Variants in PPL observed in about 807,000 individuals in gnomAD.
PPL encodes the protein periplakin.
A neutral mutation model predicts 194.4 loss-of-function variants in PPL; 198 were observed. That is an observed-to-expected ratio of 1.02 (90% CI 0.91 to 1.15). The LOEUF (loss-of-function observed/expected upper bound fraction) is 1.15, where lower values mean the gene tolerates loss of function less well. PPL is among the 50% of genes most tolerant of loss of function. The pLI, the probability that PPL is intolerant of heterozygous loss-of-function variation, is 0.00. For missense variants in PPL, 2,885 were observed against 2,294.8 expected (o/e 1.26, Z -5.25); for synonymous variants, 1,220 against 972.4 (o/e 1.25, Z -4.74).
chr16:4,897,807 G>A (rs1446812360), intron 8 of PPL, 37 bp from the exon 9 acceptor site: 3 of 1,554,676 alleles, frequency 1.9e-6, no homozygotes, highest in African/African-American at 1.4e-5. Context: ...CCACTGGGCA[G>A]GTACTGCAGA....
chr16:4,888,210 C>A lies in PPL; in HGVS notation c.2406G>T (p.Glu802Asp). The change falls in exon 20 of 22, where the codon GAG becomes GAT. Residue 802 changes from glutamate to aspartate, a missense_variant. Glu to Asp is a conservative substitution (Grantham distance 45, BLOSUM62 2). Transcript: ENST00000345988. ...GAGACCTTAGTTTTTCTGCTTCTAACTCATAGTCCTGCATGAGGGAGAGAC... is the reference window on the plus strand; with the variant it reads ...GAGACCTTAGTTTTTCTGCTTCTAAATCATAGTCCTGCATGAGGGAGAGAC... Reference protein sequence around the residue: ...QQYQQAVKDYELEAEKLRSLL... With the variant: ...QQYQQAVKDYDLEAEKLRSLL... 6.2e-7 allele frequency: 1 copy of A among 1,602,664 alleles called. No individual in the cohort carries two copies. Among genetic ancestry groups the A allele is most frequent in the Non-Finnish European group, 8.5e-7 (1 of 1,169,638 alleles).
At chr16:4,930,171 T>G (rs1336583527) in intron 1 of PPL, among the ~76,000 whole-genome samples, 2 of 152,228 alleles carry the variant, frequency 1.3e-5, no homozygotes, top group African/African-American at 2.4e-5. Context: ...TTCTGTCAAC[T>G]GCACTCTCTT....
At chr16:4,886,501 A>T (rs2088221952) in intron 21 of PPL, among the ~76,000 whole-genome samples, 1 of 152,270 alleles carries the variant, frequency 6.6e-6, no homozygotes, top group Non-Finnish European at 1.5e-5. Flanking sequence ...CGCTCTCTGG[A>T]CAGACCGCAG....
rs1253683651 is a variant in PPL, at chr16:4,890,929, G to A, written c.1969-8C>T. The stretch of plus-strand genomic sequence containing the variant: ...TAACTCACAGGCCATGGCCTGGCGG[G>A]GCAGAGGAGGAGACGGCGGTGCTAC... On this transcript the variant is annotated splice_polypyrimidine_tract_variant and splice_region_variant and intron_variant, in intron 16 of 21. Coordinates refer to ENST00000345988, the MANE Select transcript of PPL (RefSeq NM_002705.5). The A allele has an allele frequency of 2.0e-6, 3 of 1,508,962 alleles. No homozygotes were observed. The highest frequency in any genetic ancestry group is 2.7e-6 in the Non-Finnish European group (3 of 1,121,836). 93.5% of individuals were successfully genotyped at this position (1,508,962 alleles called of 1,614,324 possible).
chr16:4,899,595 ATTCATTCAG>A (rs2088512751), intron 6 of PPL, among the ~76,000 whole-genome samples: 1 of 151,678 alleles, frequency 6.6e-6, no homozygotes, highest in African/African-American at 2.4e-5. Context: ...TCATTCATTC[ATTCATTCAG>A]TAAATGTTTA....
chr16:4,890,789 C>T lies in PPL; in HGVS notation c.2101G>A (p.Glu701Lys). Reference sequence around the variant, plus strand: ...TGGCCCAGCTTGTGCACCTCGGCCTCCTGGCGCTCCAGGTCCGGACAGTGC... The same window carrying T: ...TGGCCCAGCTTGTGCACCTCGGCCTTCTGGCGCTCCAGGTCCGGACAGTGC... ...QEHCPDLERQ[E>K]AEVHKLGQRF... is the part of the protein sequence containing the mutation. The change falls in exon 17 of 22, where the codon GAG becomes AAG. Residue 701 changes from glutamate to lysine, a missense_variant. Transcript: ENST00000345988. The T allele has an allele frequency of 1.2e-6, 2 of 1,607,572 alleles. No homozygotes were observed. The highest frequency in any genetic ancestry group is 1.7e-6 in the Non-Finnish European group (2 of 1,177,480).
chr16:4,920,653 G>A (rs1284740965), intron 1 of PPL, among the ~76,000 whole-genome samples: 1 of 152,158 alleles, frequency 6.6e-6, no homozygotes, highest in Non-Finnish European at 1.5e-5. Context: ...AGTAGAGACA[G>A]GGTTTCGCCA....
chr16:4,884,451 G>A lies in PPL; in HGVS notation c.4204C>T (p.Gln1402Ter), dbSNP rs1215467186. Residue 1402 changes from glutamine (Q) to a stop codon, truncating the protein, a stop_gained, in exon 22 of 22, where the codon CAG becomes TAG. Coordinates refer to ENST00000345988, the MANE Select transcript of PPL (RefSeq NM_002705.5). LOFTEE classifies it high-confidence loss of function. This position sits in a 1 kb window ranked among gnomAD's most constrained non-coding sequence, Gnocchi z 5.7. ...LQRRRTELER[Q>*]LEELERERQA... is the part of the protein sequence containing the mutation. The stretch of plus-strand genomic sequence containing the variant: ...CGCTCGCGCTCTAGCTCCTCCAGCT[G>A]CCGCTCAAGCTCGGTGCGCCGGCGC... 6.2e-7 allele frequency: 1 copy of A among 1,601,660 alleles called. No homozygotes were observed. The highest frequency in any genetic ancestry group is 8.5e-7 in the Non-Finnish European group (1 of 1,176,940).
Position 4,884,995 on chromosome 16 carries a change from C to T in PPL, c.3660G>A (p.Arg1220=). Reference sequence around the variant, plus strand: ...TGACTTCCACCTGGGGGCCTCGCCTCCTGAGGGCCTCCAGCTCACTCTGGT... The same window carrying T: ...TGACTTCCACCTGGGGGCCTCGCCTTCTGAGGGCCTCCAGCTCACTCTGGT... The part of the protein sequence containing the change: ...RSYQSELEAL[R]RRGPQVEVKE... Residue 1220 remains arginine (R), a synonymous_variant, in exon 22 of 22, where the codon AGG becomes AGA. Coordinates refer to ENST00000345988, the MANE Select transcript of PPL (RefSeq NM_002705.5). This position sits in a 1 kb window ranked among gnomAD's most constrained non-coding sequence, Gnocchi z 5.7. 1.2e-6 allele frequency: 2 copies of T among 1,614,052 alleles called. No homozygotes were observed. The highest frequency in any genetic ancestry group is 1.7e-6 in the Non-Finnish European group (2 of 1,180,038).
chr16:4,904,179 T>C, intron 2 of PPL, 139 bp from the exon 3 acceptor site: 1 of 892,324 alleles, frequency 1.1e-6, no homozygotes, highest in Non-Finnish European at 1.7e-6. Flanking sequence ...CTTGTCCATA[T>C]GGAGCGCAGT....
Position 4,885,283 on chromosome 16 carries a change from C to A in PPL, c.3372G>T (p.Ala1124=), listed in dbSNP as rs200055404. Residue 1124 remains alanine, a synonymous_variant, in exon 22 of 22, where the codon GCG becomes GCT. Transcript: ENST00000345988. This position sits in a 1 kb window ranked among gnomAD's most constrained non-coding sequence, Gnocchi z 6.3. ...GATCGCTGACCTCCCTCTCGGTGGC[C>A]GCGTCCTTCTCCACCTTGAGCACCT... ...VKEVLKVEKD[A]ATEREVSDLT... 6.8e-6 allele frequency: 11 copies of A among 1,611,708 alleles called. No individual in the cohort carries two copies. Among genetic ancestry groups the A allele is most frequent in the Non-Finnish European group, 9.3e-6 (11 of 1,179,958 alleles).
At position 4,885,362 on chromosome 16, in the gene PPL, A is replaced by T; in HGVS notation, c.3293T>A (p.Leu1098His). Residue 1098 changes from leucine (L) to histidine (H), a missense_variant, in exon 22 of 22, where the codon CTC (leucine) becomes CAC (histidine). By Grantham distance (99) the Leu-to-His change is moderately conservative. Transcript: ENST00000345988. This position sits in a 1 kb window ranked among gnomAD's most constrained non-coding sequence, Gnocchi z 6.3. ...EEELSFLQDK[L>H]KRLEKERAMA... ...GGCCCGCTCCTTCTCTAGCCTCTTG[A>T]GCTTGTCCTGGAGGAAGCTCAGCTC... 1 of 1,611,876 alleles carries T rather than the reference A, an allele frequency of 6.2e-7. No individual in the cohort carries two copies. The highest frequency in any genetic ancestry group is 1.1e-5 in the South Asian group (1 of 91,026).
rs1188270765 is a variant in PPL at position 4,888,141 on chromosome 16, T to C, written c.2475A>G (p.Arg825=). Reference sequence around the variant, plus strand: ...TGGTGGCAGGAGATTGGAGCCTGGCTCTCTTGCTCACGTGGCTTCTCCTTC... The same window carrying C: ...TGGTGGCAGGAGATTGGAGCCTGGCCCTCTTGCTCACGTGGCTTCTCCTTC... The part of the protein sequence containing the change: ...ENGRRSHVSK[R]ARLQSPATKV... The change falls in exon 20 of 22, where the codon AGA becomes AGG. Residue 825 remains arginine (R), a synonymous_variant. Transcript: ENST00000345988. 6 of 1,613,962 alleles carry C rather than the reference T, an allele frequency of 3.7e-6. No individual in the cohort carries two copies. The highest frequency in any genetic ancestry group is 5.1e-6 in the Non-Finnish European group (6 of 1,179,838).
At position 4,884,675 on chromosome 16, in the gene PPL, C is replaced by G; in HGVS notation, c.3980G>C (p.Arg1327Thr). The G allele has an allele frequency of 6.2e-6, 10 of 1,614,156 alleles. No homozygotes were observed. The highest frequency in any genetic ancestry group is 8.5e-6 in the Non-Finnish European group (10 of 1,180,032). ...EEQKKQVDLE[R>T]ERASQEEQIA... ...CTGCTCTTCCTGGGAAGCTCTTTCC[C>G]TCTCCAGATCCACTTGTTTCTTCTG... Residue 1327 changes from arginine to threonine, a missense_variant, in exon 22 of 22, where the codon AGG (arginine) becomes ACG (threonine). Coordinates refer to ENST00000345988, the MANE Select transcript of PPL (RefSeq NM_002705.5). The surrounding 1 kb of genome is among the most constrained non-coding windows in gnomAD (Gnocchi z 5.7).
At chr16:4,925,864 A>G (rs1173324812) in intron 1 of PPL, among the ~76,000 whole-genome samples, 1 of 152,246 alleles carries the variant, frequency 6.6e-6, no homozygotes, top group African/African-American at 2.4e-5. Context: ...TCGGAGAGAC[A>G]GGATGATGGG....
intron 13 of PPL, 82 bp from the exon 14 acceptor site, chr16:4,893,452 C>A: frequency 1.3e-6 from 2 of 1,588,428 alleles, no homozygotes; most frequent in Non-Finnish European, 1.7e-6. Context: ...GCAGCCAGCC[C>A]CCCGCCGTCT....
chr16:4,922,230 A>T (rs1323623192), intron 1 of PPL, among the ~76,000 whole-genome samples: 1 of 152,202 alleles, frequency 6.6e-6, no homozygotes, highest in Non-Finnish European at 1.5e-5. Context: ...AATGAGAGTC[A>T]TCACAGTATG....
intron 1 of PPL, among the ~76,000 whole-genome samples, chr16:4,926,198 C>G (rs2089151455): frequency 1.3e-5 from 2 of 152,184 alleles, no homozygotes; most frequent in Non-Finnish European, 2.9e-5. Flanking sequence ...AACTGAGCCT[C>G]AGGAAGACCA....
chr16:4,899,455 C>G, intron 6 of PPL, 71 bp from the exon 7 acceptor site: 1 of 896,000 alleles, frequency 1.1e-6, no homozygotes, highest in South Asian at 1.9e-5. Flanking sequence ...TTCCCTACCT[C>G]CTGCAGGGCC....
Sources: allele counts gnomAD v4.1 joint callset (sites outside exome capture counted in the v4.1 genomes callset), GRCh38; gene constraint gnomAD v4.1.1; non-coding constraint Gnocchi (gnomAD v3.1); transcripts MANE v1.5; gene names NCBI Gene and HGNC (gene_info 2026-07-23, HGNC 2026-07-21).